LHFPL3: variants seen among roughly 807,000 people sequenced by gnomAD.
LHFPL3 encodes the protein LHFPL tetraspan subfamily member 3 protein.
LHFPL3 carries 5 observed loss-of-function variants against 19.3 expected under a neutral mutation model. The ratio of observed to expected loss-of-function variants is 0.26; its 90% CI spans 0.14 to 0.54. The LOEUF (loss-of-function observed/expected upper bound fraction) is 0.54. Ranked by LOEUF, LHFPL3 falls within the 20% of genes least tolerant of loss-of-function variation. The pLI is 0.94. For missense variants in LHFPL3, 249 were observed against 307.4 expected (o/e 0.81, Z 1.42); for synonymous variants, 133 against 126.2 (o/e 1.05, Z -0.36).
At chr7:104,565,954 G>T (rs921779769) in intron 1 of LHFPL3, among the ~76,000 whole-genome samples, 2 of 151,998 alleles carry the variant, frequency 1.3e-5, no homozygotes, top group South Asian at 4.2e-4. Flanking sequence ...TAAGGCCCAC[G>T]GCCAGCCATT....
intron 1 of LHFPL3, among the ~76,000 whole-genome samples, chr7:104,477,947 G>A (rs1188367893): frequency 6.6e-6 from 1 of 152,088 alleles, no homozygotes; most frequent in East Asian, 1.9e-4. Flanking sequence ...AAGCACTAGG[G>A]GTTAGTCCAT....
Position 104,784,612 on chromosome 7 carries a change from A to G in LHFPL3, c.682+47701A>G, listed in dbSNP as rs186971630. Among the ~76,000 whole-genome samples, 39 of 152,292 alleles carry G rather than the reference A, an allele frequency of 2.6e-4. 2 individuals are homozygous for G. The East Asian group carries it at 7.3e-3, about 29-fold the overall frequency. On this transcript the variant is annotated intron_variant, in intron 2 of 2. Transcript: ENST00000424859. Reference sequence around the variant, plus strand: ...AATCCCACTTGTGGATACATATCCAAAAGAATTCAAAGCTAGATCTCAAAG... The same window carrying G: ...AATCCCACTTGTGGATACATATCCAGAAGAATTCAAAGCTAGATCTCAAAG...
At chr7:104,599,199 A>G (rs1790919070) in intron 1 of LHFPL3, among the ~76,000 whole-genome samples, 1 of 152,230 alleles carries the variant, frequency 6.6e-6, no homozygotes, top group African/African-American at 2.4e-5. Flanking sequence ...GGCCTAATCA[A>G]TGAGGGTTAT....
intron 1 of LHFPL3, among the ~76,000 whole-genome samples, chr7:104,445,823 C>T (rs950573201): frequency 5.9e-5 from 9 of 152,118 alleles, no homozygotes; most frequent in Non-Finnish European, 1.2e-4. Flanking sequence ...TTTCACATCC[C>T]ACCTATCTCA....
chr7:104,736,631 C>G (rs1324594980), intron 1 of LHFPL3, 44 bp from the exon 2 acceptor site: 1 of 1,292,886 alleles, frequency 7.7e-7, no homozygotes, highest in Admixed American at 2.0e-5. Context: ...AATTTATTGA[C>G]TTATCTTTTT....
intron 2 of LHFPL3, among the ~76,000 whole-genome samples, chr7:104,836,190 G>A (rs6950356): frequency 1.3e-3 from 199 of 152,290 alleles, no homozygotes; most frequent in African/African-American, 4.5e-3. Context: ...GAATCAGGAA[G>A]GAGCCCAGAT....
intron 1 of LHFPL3, among the ~76,000 whole-genome samples, chr7:104,512,742 A>G (rs78850794): frequency 6.7e-6 from 1 of 149,854 alleles, no homozygotes; most frequent in Admixed American, 6.7e-5. Flanking sequence ...TTCTCAAAAG[A>G]AAAAAAAAAG....
intron 2 of LHFPL3, among the ~76,000 whole-genome samples, chr7:104,760,079 C>T (rs113368715): frequency 0.011 from 1,612 of 152,256 alleles, 29 homozygotes; most frequent in African/African-American, 0.037. Flanking sequence ...GGCCTGACCC[C>T]CAGAGGTTCC....
chr7:104,707,213 C>T (rs958116293), intron 1 of LHFPL3, among the ~76,000 whole-genome samples: 5 of 152,132 alleles, frequency 3.3e-5, no homozygotes, highest in Non-Finnish European at 7.4e-5. Context: ...CAGAGCTCAC[C>T]AATTCCCAGG....
chr7:104,501,008 C>T (rs1584362801), intron 1 of LHFPL3, among the ~76,000 whole-genome samples: 2 of 152,152 alleles, frequency 1.3e-5, no homozygotes, highest in Non-Finnish European at 2.9e-5. Flanking sequence ...TCAGTATATA[C>T]ACTTGTCATT....
chr7:104,598,305 C>T (rs985750501), intron 1 of LHFPL3, among the ~76,000 whole-genome samples: 1 of 152,144 alleles, frequency 6.6e-6, no homozygotes, highest in Non-Finnish European at 1.5e-5. Flanking sequence ...TCAAGGGGCA[C>T]CAAAACTATT....
chr7:104,842,875 G>T lies in LHFPL3; in HGVS notation c.683-63312G>T, dbSNP rs60649764. On this transcript the variant is annotated intron_variant, in intron 2 of 2. Coordinates refer to ENST00000424859, the MANE Select transcript of LHFPL3 (RefSeq NM_199000.3). ...TTCTCTAAGTATCTTCTGCTCTTTT[G>T]CCTGTTTGCACTTTTGCCTGAGCAA... Among the ~76,000 whole-genome samples, 909 of 152,176 alleles carry T rather than the reference G, an allele frequency of 6.0e-3. 11 individuals are homozygous for T. The highest frequency in any genetic ancestry group is 0.021 in the African/African-American group (875 of 41,496).
intron 1 of LHFPL3, among the ~76,000 whole-genome samples, chr7:104,364,201 T>C (rs1790442191): frequency 6.6e-6 from 1 of 152,174 alleles, no homozygotes; most frequent in African/African-American, 2.4e-5. Context: ...GATTTCCTCT[T>C]GAATGTGTAA....
intron 1 of LHFPL3, among the ~76,000 whole-genome samples, chr7:104,511,305 G>A (rs1239986659): frequency 6.6e-6 from 1 of 152,126 alleles, no homozygotes; most frequent in Non-Finnish European, 1.5e-5. Context: ...AAAAATAGTG[G>A]CACAACAAAT....
chr7:104,616,208 G>A (rs191325184), intron 1 of LHFPL3, among the ~76,000 whole-genome samples: 40 of 152,206 alleles, frequency 2.6e-4, no homozygotes, highest in Middle Eastern at 3.4e-3. Flanking sequence ...GAACAAAGCT[G>A]GAGGCATCAT....
intron 1 of LHFPL3, among the ~76,000 whole-genome samples, chr7:104,456,731 C>G (rs979809077): frequency 1.3e-5 from 2 of 152,084 alleles, no homozygotes; most frequent in East Asian, 1.9e-4. Flanking sequence ...GCTTTTTGAA[C>G]GCAAGCACTA....
At chr7:104,759,809 TC>T (rs1178440953) in intron 2 of LHFPL3, 1 of 152,174 alleles carries the variant, frequency 6.6e-6, no homozygotes, top group Non-Finnish European at 1.5e-5. Flanking sequence ...CATCTGACTT[TC>T]CCCACAACAG....
At chr7:104,679,750 C>A (rs1370586782) in intron 1 of LHFPL3, among the ~76,000 whole-genome samples, 1 of 151,966 alleles carries the variant, frequency 6.6e-6, no homozygotes, top group Non-Finnish European at 1.5e-5. Flanking sequence ...TTTGTGAGAT[C>A]AAAAGTCAAA....
At chr7:104,778,979 A>G (rs1794677374) in intron 2 of LHFPL3, among the ~76,000 whole-genome samples, 1 of 152,234 alleles carries the variant, frequency 6.6e-6, no homozygotes. Context: ...TTCAAATGCC[A>G]TACATACTCT....
Sources: gnomAD v4.1 joint callset for allele counts (sites outside exome capture counted in the v4.1 genomes callset) on GRCh38, gnomAD v4.1.1 for gene constraint, MANE v1.5 for transcripts, NCBI Gene and HGNC (gene_info 2026-07-23, HGNC 2026-07-21) for gene names.